Variants in QKI observed in about 807,000 individuals in gnomAD.
The protein encoded by QKI is QKI, KH domain containing RNA binding.
A neutral mutation model predicts 39.0 loss-of-function variants in QKI; 10 were observed. That is an observed-to-expected ratio of 0.26 (90% CI 0.16 to 0.43). The LOEUF (loss-of-function observed/expected upper bound fraction) is 0.43, where lower values mean the gene tolerates loss of function less well. Among genes scored for constraint, QKI ranks in the 20% least tolerant of loss-of-function variants. The pLI is 1.00. For synonymous variants in QKI, 204 were observed against 155.4 expected (o/e 1.31, Z -2.33); for missense variants, 218 against 428.0 (o/e 0.51, Z 4.33).
chr6:163,532,872 C>A (rs1780949180), intron 3 of QKI, among the ~76,000 whole-genome samples: 1 of 152,150 alleles, frequency 6.6e-6, no homozygotes, highest in Non-Finnish European at 1.5e-5. Flanking sequence ...GACTCTCAAG[C>A]CAGTGAGTGG....
chr6:163,566,708 G>A lies in QKI; in HGVS notation c.935-13G>A. 6.2e-7 allele frequency: 1 copy of A among 1,612,936 alleles called. No individual in the cohort carries two copies. Among genetic ancestry groups the A allele is most frequent in the African/African-American group, 1.3e-5 (1 of 74,958 alleles). On this transcript the variant is annotated splice_polypyrimidine_tract_variant and intron_variant, in intron 6 of 7. Transcript: ENST00000361752. ...GTTTTCTAACTTTGTCTTGGTAATT[G>A]CAATTTAACTAGGTGCGGTGGCTAC...
chr6:163,559,251 C>G (rs1419294966), intron 4 of QKI, among the ~76,000 whole-genome samples: 1 of 152,204 alleles, frequency 6.6e-6, no homozygotes, highest in Non-Finnish European at 1.5e-5. Context: ...TATTTGCTGA[C>G]ATTTTCAAAC....
intron 1 of QKI, chr6:163,423,264 G>A (rs1254506089): frequency 6.6e-6 from 1 of 152,234 alleles, no homozygotes; most frequent in African/African-American, 2.4e-5. Flanking sequence ...CTCCAGCCTG[G>A]GTGACAGAGC....
chr6:163,487,747 C>G (rs747793111), intron 3 of QKI, among the ~76,000 whole-genome samples: 22 of 151,986 alleles, frequency 1.4e-4, no homozygotes, highest in Non-Finnish European at 2.1e-4. Flanking sequence ...TTAAATTCAG[C>G]TCTCCCACCT....
chr6:163,524,348 GCTA>G (rs71865710), intron 3 of QKI, among the ~76,000 whole-genome samples: 85,924 of 151,700 alleles, frequency 0.57, 25,982 homozygotes, highest in East Asian at 0.97. Context: ...ATTATCTTAA[GCTA>G]CTCTTTTTAT....
intron 4 of QKI, among the ~76,000 whole-genome samples, chr6:163,540,925 T>C (rs905056061): frequency 3.3e-5 from 5 of 152,080 alleles, no homozygotes; most frequent in Non-Finnish European, 7.4e-5. Context: ...TTATCAATTT[T>C]ATCAACCGTT....
chr6:163,550,277 C>T (rs1419152763), intron 4 of QKI, among the ~76,000 whole-genome samples: 2 of 152,056 alleles, frequency 1.3e-5, no homozygotes, highest in Non-Finnish European at 2.9e-5. Flanking sequence ...AGTGTGTTCG[C>T]CCAGGTCTGT....
intron 2 of QKI, among the ~76,000 whole-genome samples, chr6:163,460,373 C>A (rs904011835): frequency 6.6e-6 from 1 of 152,132 alleles, no homozygotes; most frequent in Non-Finnish European, 1.5e-5. Context: ...GTGTTTTCAG[C>A]CTGTAGGATC....
intron 3 of QKI, among the ~76,000 whole-genome samples, chr6:163,515,098 A>G (rs935227496): frequency 3.7e-4 from 56 of 152,178 alleles, no homozygotes; most frequent in African/African-American, 1.4e-3. Context: ...GGCAATTCAC[A>G]GGGCAGAAAA....
At chr6:163,472,927 T>C (rs1792312771) in intron 2 of QKI, among the ~76,000 whole-genome samples, 1 of 149,928 alleles carries the variant, frequency 6.7e-6, no homozygotes, top group African/African-American at 2.5e-5. Flanking sequence ...TTTCAAAAAA[T>C]TGGAAAAAGA....
intron 2 of QKI, among the ~76,000 whole-genome samples, chr6:163,459,913 T>G (rs567685599): frequency 6.6e-6 from 1 of 152,360 alleles, no homozygotes; most frequent in African/African-American, 2.4e-5. Context: ...GTTTTCTTGT[T>G]TGAATCCATG....
Position 163,573,793 on chromosome 6 carries a change from C to T in QKI, c.*3083C>T, listed in dbSNP as rs964660037. ...ATTTTAATAAATGTTATAATACCAACCTACTAACTCTGGACTTTGTCTGTT... is the reference window on the plus strand; with the variant it reads ...ATTTTAATAAATGTTATAATACCAATCTACTAACTCTGGACTTTGTCTGTT... On this transcript the variant is annotated 3_prime_UTR_variant, in exon 8 of 8. Coordinates refer to ENST00000361752, the MANE Select transcript of QKI (RefSeq NM_006775.3). 3 of 152,118 alleles carry T rather than the reference C, an allele frequency of 2.0e-5. No individual in the cohort carries two copies. Among genetic ancestry groups the T allele is most frequent in the Non-Finnish European group, 4.4e-5 (3 of 68,036 alleles). The allele number at this position is 152,118 out of a possible 1,614,324, so 9.4% of individuals were successfully genotyped here. A position where few individuals can be genotyped will look rare whatever the true frequency, so the allele number is the denominator to read the frequency against.
At chr6:163,494,977 G>A (rs1023017516) in intron 3 of QKI, among the ~76,000 whole-genome samples, 3 of 151,502 alleles carry the variant, frequency 2.0e-5, no homozygotes, top group South Asian at 2.1e-4. Flanking sequence ...GTGCAGTGGC[G>A]CGATCTTGGC....
At chr6:163,550,901 C>T (rs1283367147) in intron 4 of QKI, among the ~76,000 whole-genome samples, 3 of 148,770 alleles carry the variant, frequency 2.0e-5, no homozygotes, top group Non-Finnish European at 4.4e-5. Flanking sequence ...GAGCCAAGAT[C>T]GTGTCACTGC....
chr6:163,424,837 G>A (rs1410994528), intron 1 of QKI, among the ~76,000 whole-genome samples: 9 of 151,736 alleles, frequency 5.9e-5, no homozygotes, highest in African/African-American at 2.2e-4. Context: ...CACCATGTTA[G>A]CCAGGCTGGT....
At chr6:163,463,984 C>T (rs755968765) in intron 2 of QKI, among the ~76,000 whole-genome samples, 4 of 152,130 alleles carry the variant, frequency 2.6e-5, no homozygotes, top group Admixed American at 6.6e-5. Context: ...GCTCAGCTCC[C>T]CCTCATCCCA....
intron 6 of QKI, chr6:163,565,984 G>T: frequency 6.2e-7 from 1 of 1,612,546 alleles, no homozygotes; most frequent in South Asian, 1.1e-5. Context: ...ATTCAAGAAC[G>T]GTCTTAACTG....
chr6:163,455,986 G>A (rs986678794), intron 2 of QKI, among the ~76,000 whole-genome samples: 3 of 151,938 alleles, frequency 2.0e-5, no homozygotes, highest in Non-Finnish European at 4.4e-5. Flanking sequence ...TATATGATAC[G>A]GTCCATTCTA....
At chr6:163,499,835 T>C (rs1224894099) in intron 3 of QKI, among the ~76,000 whole-genome samples, 4 of 152,202 alleles carry the variant, frequency 2.6e-5, no homozygotes, top group South Asian at 2.1e-4. Flanking sequence ...TGGAGCATAA[T>C]TTAGGAAGAT....
Sources: gnomAD v4.1 joint callset for allele counts (sites outside exome capture counted in the v4.1 genomes callset) on GRCh38, gnomAD v4.1.1 for gene constraint, MANE v1.5 for transcripts, NCBI Gene and HGNC (gene_info 2026-07-23, HGNC 2026-07-21) for gene names.